PDZRN4: variants seen among roughly 807,000 people sequenced by gnomAD.
PDZRN4 encodes the protein PDZ domain containing ring finger 4.
In PDZRN4, 70 loss-of-function variants were observed where a neutral mutation model predicts 99.0. The ratio of observed to expected loss-of-function variants is 0.71; its 90% CI spans 0.58 to 0.86. PDZRN4 has a LOEUF of 0.86. Among genes scored for constraint, PDZRN4 ranks in the 40% least tolerant of loss-of-function variants. The probability of loss-of-function intolerance (pLI) is 0.00; values close to 1 mark genes in which losing one functional copy is unlikely to be tolerated. For missense variants in PDZRN4, 1,474 were observed against 1,331.2 expected (o/e 1.11, Z -1.67); for synonymous variants, 551 against 501.6 (o/e 1.10, Z -1.32).
At position 41,526,185 on chromosome 12, in the gene PDZRN4, C is replaced by A. The variant is rs11180976; in HGVS notation, c.1203+16272C>A. On this transcript the variant is annotated intron_variant, in intron 5 of 9. Coordinates refer to ENST00000402685, the MANE Select transcript of PDZRN4 (RefSeq NM_001164595.2). ...CTGGACTAAAGCTAGTTTCCTGTATCTAAATGTGGGGCTACTAAAACCATA... is the reference window on the plus strand; with the variant it reads ...CTGGACTAAAGCTAGTTTCCTGTATATAAATGTGGGGCTACTAAAACCATA... Among the ~76,000 whole-genome samples the A allele has an allele frequency of 7.6e-3, 1,160 of 152,262 alleles. 52 individuals are homozygous for A. The East Asian group carries it at 0.14, about 18-fold the overall frequency.
intron 3 of PDZRN4, among the ~76,000 whole-genome samples, chr12:41,434,452 C>A (rs1202839286): frequency 1.3e-5 from 2 of 152,114 alleles, no homozygotes; most frequent in East Asian, 3.9e-4. Context: ...GAATTAAGGA[C>A]TGCTGGCATG....
At chr12:41,522,423 C>T (rs1240110002) in intron 5 of PDZRN4, among the ~76,000 whole-genome samples, 1 of 152,050 alleles carries the variant, frequency 6.6e-6, no homozygotes, top group African/African-American at 2.4e-5. Context: ...GATTTATTCA[C>T]CTTAACATAT....
chr12:41,404,262 A>G (rs542681700), intron 3 of PDZRN4, among the ~76,000 whole-genome samples: 1 of 152,302 alleles, frequency 6.6e-6, no homozygotes, highest in South Asian at 2.1e-4. Flanking sequence ...AAACATGGCC[A>G]TAGAAATGCG....
At chr12:41,316,456 A>T (rs946799098) in intron 3 of PDZRN4, among the ~76,000 whole-genome samples, 7 of 144,428 alleles carry the variant, frequency 4.8e-5, no homozygotes, top group African/African-American at 7.7e-5. Context: ...AAAAAGGCAA[A>T]TGTGTGTGTG....
intron 3 of PDZRN4, among the ~76,000 whole-genome samples, chr12:41,494,266 T>C (rs1486854077): frequency 1.3e-5 from 2 of 152,150 alleles, no homozygotes; most frequent in African/African-American, 4.8e-5. Context: ...TTTATTGATG[T>C]TTAAAAATAA....
intron 3 of PDZRN4, among the ~76,000 whole-genome samples, chr12:41,469,270 TG>T (rs1415007869): frequency 2.0e-5 from 3 of 152,236 alleles, no homozygotes; most frequent in Non-Finnish European, 4.4e-5. Flanking sequence ...ATTGAGAAGT[TG>T]TAAAAGGAAT....
At chr12:41,227,073 G>C (rs932717010) in intron 3 of PDZRN4, among the ~76,000 whole-genome samples, 8 of 152,010 alleles carry the variant, frequency 5.3e-5, no homozygotes, top group Non-Finnish European at 1.0e-4. Context: ...CAAAACTATA[G>C]AAAAATACAC....
At chr12:41,270,707 A>C (rs1161677844) in intron 3 of PDZRN4, among the ~76,000 whole-genome samples, 1 of 152,118 alleles carries the variant, frequency 6.6e-6, no homozygotes, top group Non-Finnish European at 1.5e-5. Flanking sequence ...ATATCCTAAC[A>C]GGATAGAGAT....
intron 3 of PDZRN4, among the ~76,000 whole-genome samples, chr12:41,486,181 G>A (rs547278264): frequency 4.6e-5 from 7 of 152,140 alleles, no homozygotes; most frequent in African/African-American, 1.4e-4. Flanking sequence ...AATTGTAAAA[G>A]ACATTAAAAT....
chr12:41,323,847 AT>A (rs981865708), intron 3 of PDZRN4, among the ~76,000 whole-genome samples: 2 of 151,914 alleles, frequency 1.3e-5, no homozygotes, highest in Admixed American at 6.6e-5. Flanking sequence ...ATTTATATTA[AT>A]TTTTTTAAAT....
In PDZRN4 at chr12:41,294,138, C is replaced by T. The variant is rs1951474491; in HGVS notation, c.843+99950C>T. Among the ~76,000 whole-genome samples, 3 of 152,114 alleles carry T rather than the reference C, an allele frequency of 2.0e-5. No individual in the cohort carries two copies. The South Asian group carries it at 6.2e-4, about 32-fold the overall frequency. ...GTACGTGTTTCACAGGCAAAATATTCACCTTAAACTTTCATGCCATTGAAA... is the reference window on the plus strand; with the variant it reads ...GTACGTGTTTCACAGGCAAAATATTTACCTTAAACTTTCATGCCATTGAAA... On this transcript the variant is annotated intron_variant, in intron 3 of 9. Coordinates refer to ENST00000402685, the MANE Select transcript of PDZRN4 (RefSeq NM_001164595.2).
chr12:41,207,548 A>G (rs1186173504), intron 3 of PDZRN4, among the ~76,000 whole-genome samples: 3 of 151,836 alleles, frequency 2.0e-5, no homozygotes, highest in Non-Finnish European at 4.4e-5. Flanking sequence ...ATAAATATCT[A>G]ATACAGGAAG....
rs1457989895 is a variant in PDZRN4, at chr12:41,555,775, A to C, written c.1365+15A>C. On this transcript the variant is annotated intron_variant, in intron 7 of 9. Transcript: ENST00000402685. ...GGATTTTGCAAGTAGGTGGTATAGT[A>C]ATTTCCTTTAGTTCCCCACGATCTG... is the stretch of plus-strand genomic sequence containing the variant. 2.0e-5 allele frequency: 32 copies of C among 1,601,984 alleles called. No homozygotes were observed. The highest frequency in any genetic ancestry group is 2.7e-5 in the Non-Finnish European group (32 of 1,169,208).
chr12:41,343,300 T>A (rs1951829955), intron 3 of PDZRN4, among the ~76,000 whole-genome samples: 1 of 152,032 alleles, frequency 6.6e-6, no homozygotes, highest in South Asian at 2.1e-4. Context: ...ATATCTCCAG[T>A]TTCATTTTTA....
At chr12:41,556,575 A>G (rs1256413292) in intron 7 of PDZRN4, among the ~76,000 whole-genome samples, 1 of 152,252 alleles carries the variant, frequency 6.6e-6, no homozygotes, top group East Asian at 1.9e-4. Flanking sequence ...ATGTATCTAC[A>G]GTCCATTGTT....
intron 3 of PDZRN4, among the ~76,000 whole-genome samples, chr12:41,501,420 A>T (rs1395283239): frequency 6.6e-6 from 1 of 152,192 alleles, no homozygotes; most frequent in Admixed American, 6.6e-5. Context: ...AGCTGAGGCC[A>T]CTAGGCACTC....
chr12:41,511,812 C>G (rs773883995), intron 5 of PDZRN4, among the ~76,000 whole-genome samples: 1 of 152,120 alleles, frequency 6.6e-6, no homozygotes, highest in Non-Finnish European at 1.5e-5. Context: ...ATCATTGGAG[C>G]CTGTGGTGGA....
At chr12:41,239,987 AT>A (rs1045094121) in intron 3 of PDZRN4, among the ~76,000 whole-genome samples, 1 of 152,134 alleles carries the variant, frequency 6.6e-6, no homozygotes, top group African/African-American at 2.4e-5. Context: ...TAATATGTGC[AT>A]TTTTTTAAAG....
intron 3 of PDZRN4, among the ~76,000 whole-genome samples, chr12:41,271,967 CA>C (rs1951316851): frequency 6.6e-6 from 1 of 152,012 alleles, no homozygotes; most frequent in Admixed American, 6.6e-5. Flanking sequence ...GCACAGACAA[CA>C]AATGATTTTG....
Sources: gnomAD v4.1 joint callset for allele counts (sites outside exome capture counted in the v4.1 genomes callset) on GRCh38, gnomAD v4.1.1 for gene constraint, MANE v1.5 for transcripts, NCBI Gene and HGNC (gene_info 2026-07-23, HGNC 2026-07-21) for gene names.